Variants in FMN2 observed in about 807,000 individuals in gnomAD.
FMN2 encodes formin-2.
Under a neutral mutation model 142.3 loss-of-function variants are expected in FMN2, and 51 were observed. The ratio of observed to expected loss-of-function variants is 0.36; its 90% CI spans 0.29 to 0.45. The LOEUF (loss-of-function observed/expected upper bound fraction) is 0.45. FMN2 is among the 20% of genes least tolerant of loss of function. The pLI is 1.00. For missense variants in FMN2, 1,936 were observed against 2,122.8 expected (o/e 0.91, Z 1.73); for synonymous variants, 882 against 869.8 (o/e 1.01, Z -0.25).
chr1:240,108,131 G>A (rs555845169), intron 1 of FMN2, among the ~76,000 whole-genome samples: 5 of 152,300 alleles, frequency 3.3e-5, no homozygotes, highest in Admixed American at 6.5e-5. Flanking sequence ...TCTGCTTTAT[G>A]TTGGTCCAAA....
intron 6 of FMN2, among the ~76,000 whole-genome samples, chr1:240,222,022 T>TTGTA (rs1667138368): frequency 6.7e-6 from 1 of 149,972 alleles, no homozygotes; most frequent in Non-Finnish European, 1.5e-5. Flanking sequence ...TAATTTTTTT[T>TTGTA]TTTTTTTTGT....
intron 2 of FMN2, among the ~76,000 whole-genome samples, chr1:240,134,271 T>G (rs1662851121): frequency 6.6e-6 from 1 of 152,136 alleles, no homozygotes; most frequent in Non-Finnish European, 1.5e-5. Flanking sequence ...AACTGGAGAA[T>G]CTATTCAGTG....
At chr1:240,407,140 CT>C (rs1166811997) in intron 15 of FMN2, among the ~76,000 whole-genome samples, 2,870 of 141,714 alleles carry the variant, frequency 0.02, 43 homozygotes, top group African/African-American at 0.049. Context: ...AGCTACAATA[CT>C]TTTTTTTTTT....
At chr1:240,129,027 C>T (rs139866472) in intron 2 of FMN2, among the ~76,000 whole-genome samples, 7 of 152,148 alleles carry the variant, frequency 4.6e-5, no homozygotes, top group South Asian at 4.2e-4. Flanking sequence ...GCAGGCACCA[C>T]GACGCCGAGC....
chr1:240,109,041 C>T (rs145407610), intron 1 of FMN2, among the ~76,000 whole-genome samples: 86 of 152,128 alleles, frequency 5.7e-4, no homozygotes, highest in African/African-American at 2.1e-3. Context: ...GTCTCAAAAA[C>T]ACCCCAAAAA....
intron 7 of FMN2, among the ~76,000 whole-genome samples, chr1:240,289,240 G>A (rs998318976): frequency 6.6e-6 from 1 of 152,162 alleles, no homozygotes; most frequent in East Asian, 1.9e-4. Context: ...ATCAAGCACA[G>A]CCCTGAGAGA....
At chr1:240,285,577 G>A (rs977843425) in intron 7 of FMN2, among the ~76,000 whole-genome samples, 1 of 151,982 alleles carries the variant, frequency 6.6e-6, no homozygotes, top group African/African-American at 2.4e-5. Context: ...TGAGAGGTTA[G>A]GGAGAGAAAG....
chr1:240,171,565 T>C (rs1664703223), intron 2 of FMN2, among the ~76,000 whole-genome samples: 2 of 152,220 alleles, frequency 1.3e-5, no homozygotes, highest in Admixed American at 1.3e-4. Flanking sequence ...TGAAATTTTC[T>C]TGCATATGGA....
chr1:240,211,748 A>G (rs893944856), intron 6 of FMN2, among the ~76,000 whole-genome samples: 2 of 152,194 alleles, frequency 1.3e-5, no homozygotes, highest in Non-Finnish European at 2.9e-5. Context: ...TAACCTCTCT[A>G]TTTTATGTTA....
At chr1:240,361,437 G>A (rs769188206) in intron 14 of FMN2, among the ~76,000 whole-genome samples, 8 of 151,996 alleles carry the variant, frequency 5.3e-5, no homozygotes, top group African/African-American at 1.2e-4. Flanking sequence ...GTTATGGTAC[G>A]CTGGTAAAGA....
intron 15 of FMN2, among the ~76,000 whole-genome samples, chr1:240,430,396 C>A (rs1675121908): frequency 6.6e-6 from 1 of 152,074 alleles, no homozygotes; most frequent in African/African-American, 2.4e-5. Flanking sequence ...TCTACATTCT[C>A]CCCAACATGT....
At chr1:240,277,380 C>T (rs1258453534) in intron 7 of FMN2, among the ~76,000 whole-genome samples, 1 of 150,466 alleles carries the variant, frequency 6.6e-6, no homozygotes, top group Non-Finnish European at 1.5e-5. Flanking sequence ...TCTAAACTCT[C>T]CCGGACTCTA....
chr1:240,279,938 A>T (rs983446983), intron 7 of FMN2, among the ~76,000 whole-genome samples: 4 of 152,182 alleles, frequency 2.6e-5, no homozygotes, highest in Admixed American at 1.3e-4. Flanking sequence ...GGTGATAAAT[A>T]TGTGGGTTTT....
chr1:240,326,559 G>A (rs1050689910), intron 8 of FMN2, among the ~76,000 whole-genome samples: 1 of 152,088 alleles, frequency 6.6e-6, no homozygotes, highest in Non-Finnish European at 1.5e-5. Flanking sequence ...TGTTGTTTAA[G>A]ACCCAGGGAA....
At chr1:240,405,487 A>T (rs146059131) in intron 15 of FMN2, among the ~76,000 whole-genome samples, 1 of 152,096 alleles carries the variant, frequency 6.6e-6, no homozygotes, top group East Asian at 1.9e-4. Context: ...GCTTGGTGGC[A>T]CATGCCTGTA....
chr1:240,269,121 G>T (rs1668909316), intron 7 of FMN2, among the ~76,000 whole-genome samples: 1 of 151,876 alleles, frequency 6.6e-6, no homozygotes, highest in Admixed American at 6.6e-5. Flanking sequence ...AGAAATAATT[G>T]CCCTGACCAA....
chr1:240,197,413 AG>A (rs1413248605), intron 4 of FMN2, among the ~76,000 whole-genome samples: 2 of 151,908 alleles, frequency 1.3e-5, no homozygotes, highest in African/African-American at 2.4e-5. Flanking sequence ...GAACCTGCGG[AG>A]GGGGTGGAGG....
chr1:240,104,114 G>T (rs1160653708), intron 1 of FMN2, among the ~76,000 whole-genome samples: 16 of 150,980 alleles, frequency 1.1e-4, no homozygotes, highest in Admixed American at 1.1e-3. Flanking sequence ...TCCTGACCTC[G>T]TGATCCGCCC....
At position 240,297,154 on chromosome 1, in the gene FMN2, C is replaced by G. The variant is rs190401882; in HGVS notation, c.4215+2271C>G. On this transcript the variant is annotated intron_variant, in intron 8 of 17. Transcript: ENST00000319653. ...CTTGCACATATATATTACATATATA[C>G]ATTTGGTGTATACATGGTGTGTGTG... is the stretch of plus-strand genomic sequence containing the variant. 3.3e-3 allele frequency among the ~76,000 whole-genome samples: 501 copies of G among 152,004 alleles called. 3 individuals are homozygous for G. The highest frequency in any genetic ancestry group is 0.011 in the African/African-American group (456 of 41,452).
Sources: gnomAD v4.1 joint callset for allele counts (sites outside exome capture counted in the v4.1 genomes callset) on GRCh38, gnomAD v4.1.1 for gene constraint, MANE v1.5 for transcripts, NCBI Gene and HGNC (gene_info 2026-07-23, HGNC 2026-07-21) for gene names.